Variants in HMCN1 observed in about 807,000 individuals in gnomAD.
HMCN1 encodes hemicentin 1.
Under a neutral mutation model 625.9 loss-of-function variants are expected in HMCN1, and 321 were observed. The observed-to-expected ratio is 0.51, with a 90% confidence interval of 0.47 to 0.56. The LOEUF (loss-of-function observed/expected upper bound fraction) is 0.56. Among genes scored for constraint, HMCN1 ranks in the 20% least tolerant of loss-of-function variants. The pLI is 0.00. For missense variants in HMCN1, 6,588 were observed against 6,887.3 expected (o/e 0.96, Z 1.54); for synonymous variants, 2,425 against 2,417.6 (o/e 1.00, Z -0.09).
At chr1:186,098,895 AC>A (rs1396104686) in intron 68 of HMCN1, among the ~76,000 whole-genome samples, 1 of 152,152 alleles carries the variant, frequency 6.6e-6, no homozygotes, top group East Asian at 1.9e-4. Context: ...AACCTGGAGA[AC>A]ATTAAACTAT....
intron 4 of HMCN1, among the ~76,000 whole-genome samples, chr1:185,908,930 T>C (rs1008273856): frequency 1.3e-5 from 2 of 151,688 alleles, no homozygotes; most frequent in African/African-American, 2.4e-5. Context: ...CTTTTACAAA[T>C]TGCATCTGGA....
At chr1:185,780,968 C>T (rs1399946369) in intron 1 of HMCN1, among the ~76,000 whole-genome samples, 5 of 152,148 alleles carry the variant, frequency 3.3e-5, no homozygotes, top group African/African-American at 1.2e-4. Flanking sequence ...GCTGTGAATC[C>T]ACCTGGTCCT....
chr1:185,954,050 A>C (rs34427602), intron 11 of HMCN1, among the ~76,000 whole-genome samples: 6,172 of 147,292 alleles, frequency 0.042, 275 homozygotes, highest in African/African-American at 0.11. Context: ...CACTTAAGGC[A>C]AGGACCGGCC....
Position 185,993,495 on chromosome 1 carries a change from C to T in HMCN1, c.3505+186C>T, listed in dbSNP as rs1473516085. On this transcript the variant is annotated intron_variant, in intron 23 of 106. Transcript: ENST00000271588. ...GAAAAGTCTTCCTGCTATTTATAAACAATCTTCTGTTTCTTCCTTTATCAA... is the reference window on the plus strand; with the variant it reads ...GAAAAGTCTTCCTGCTATTTATAAATAATCTTCTGTTTCTTCCTTTATCAA... 5 of 594,188 alleles carry T rather than the reference C, an allele frequency of 8.4e-6. No individual in the cohort carries two copies. In the East Asian group the frequency reaches 1.6e-4, roughly 19 times the overall value. 36.8% of individuals were successfully genotyped at this position (594,188 alleles called of 1,614,324 possible). A position where few individuals can be genotyped will look rare whatever the true frequency, so the allele number is the denominator to read the frequency against.
chr1:185,993,354 A>G (rs749713171), intron 23 of HMCN1, 45 bp downstream of exon 23: 8 of 1,608,166 alleles, frequency 5.0e-6, no homozygotes, highest in African/African-American at 2.7e-5. Flanking sequence ...TGGACTGGCC[A>G]CACAAAAACC....
chr1:185,938,634 T>TA (rs1667935438), intron 11 of HMCN1, among the ~76,000 whole-genome samples: 2 of 152,080 alleles, frequency 1.3e-5, no homozygotes, highest in African/African-American at 2.4e-5. Context: ...CACGAACACT[T>TA]AAAAAATTCC....
chr1:185,977,943 C>G lies in HMCN1; in HGVS notation c.2528C>G (p.Ser843Cys), dbSNP rs762533843. 6.2e-7 allele frequency: 1 copy of G among 1,613,138 alleles called. No individual in the cohort carries two copies. Among genetic ancestry groups the G allele is most frequent in the Non-Finnish European group, 8.5e-7 (1 of 1,179,398 alleles). Residue 843 changes from serine (S) to cysteine (C), a missense_variant, in exon 16 of 107, where the codon TCC becomes TGC. By Grantham distance (112) the Ser-to-Cys change is moderately radical. Transcript: ENST00000271588. ...PIFSRPFSVSSISQLRTGALF... is the reference protein window; with the variant it reads ...PIFSRPFSVSCISQLRTGALF... ...TTCTCAAGACCTTTTTCAGTTAGTT[C>G]CATCAGCCAACTAAGAACAGGAGCT...
chr1:185,826,244 G>A (rs1218282949), intron 1 of HMCN1, among the ~76,000 whole-genome samples: 2 of 152,160 alleles, frequency 1.3e-5, no homozygotes, highest in African/African-American at 4.8e-5. Flanking sequence ...AAGAATTTAG[G>A]ATAGAATGTC....
rs548258557 is a variant in HMCN1, at chr1:186,065,123, C to T, written c.7514-115C>T. On this transcript the variant is annotated intron_variant, in intron 48 of 106. Coordinates refer to ENST00000271588, the MANE Select transcript of HMCN1 (RefSeq NM_031935.3). ...TTATTTTTAAATGAATGATTACTGC[C>T]GTGTTTTAGACATGGGATATGTAGG... The T allele has an allele frequency of 6.0e-4, 428 of 713,246 alleles. 1 individual carries two copies. The highest frequency in any genetic ancestry group is 7.2e-4 in the Non-Finnish European group (299 of 414,458). 44.2% of individuals were successfully genotyped at this position (713,246 alleles called of 1,614,324 possible).
intron 2 of HMCN1, among the ~76,000 whole-genome samples, chr1:185,847,469 G>A (rs1661893908): frequency 2.0e-5 from 3 of 152,128 alleles, no homozygotes; most frequent in Non-Finnish European, 4.4e-5. Context: ...TTCAGCAGAT[G>A]ATCTACTCAG....
At chr1:185,822,481 A>G (rs1341329655) in intron 1 of HMCN1, among the ~76,000 whole-genome samples, 2 of 152,190 alleles carry the variant, frequency 1.3e-5, no homozygotes, top group Non-Finnish European at 2.9e-5. Flanking sequence ...CTGCCTGATC[A>G]ACATTCTTAT....
chr1:186,005,159 A>C (rs1653483500), intron 29 of HMCN1, among the ~76,000 whole-genome samples: 1 of 149,714 alleles, frequency 6.7e-6, no homozygotes, highest in Non-Finnish European at 1.5e-5. Flanking sequence ...GTTTATAAAC[A>C]ATTTTTTAAT....
intron 41 of HMCN1, 43 bp downstream of exon 41, chr1:186,045,906 G>T: frequency 6.9e-7 from 1 of 1,446,514 alleles, no homozygotes; most frequent in Non-Finnish European, 9.7e-7. Flanking sequence ...GTTATTAGAA[G>T]TTCATGGTTT....
intron 4 of HMCN1, among the ~76,000 whole-genome samples, chr1:185,868,407 T>C (rs976487000): frequency 6.6e-6 from 1 of 152,054 alleles, no homozygotes; most frequent in Admixed American, 6.5e-5. Flanking sequence ...CCACATGTCA[T>C]TGGAGGGACC....
intron 89 of HMCN1, among the ~76,000 whole-genome samples, chr1:186,138,201 G>T (rs945670422): frequency 8.6e-5 from 13 of 152,012 alleles, no homozygotes; most frequent in African/African-American, 3.1e-4. Flanking sequence ...TTGAAGAAAG[G>T]GTCCAAACTG....
At chr1:186,040,727 C>T (rs1656146255) in intron 39 of HMCN1, among the ~76,000 whole-genome samples, 1 of 152,112 alleles carries the variant, frequency 6.6e-6, no homozygotes, top group East Asian at 1.9e-4. Context: ...GCATCTTTGT[C>T]TGTCTTTGTA....
At chr1:185,774,672 T>C (rs1201085702) in intron 1 of HMCN1, among the ~76,000 whole-genome samples, 3 of 152,094 alleles carry the variant, frequency 2.0e-5, no homozygotes, top group Admixed American at 6.6e-5. Flanking sequence ...TGAAAGGAAA[T>C]AGTTTTGTTA....
chr1:186,067,920 G>T lies in HMCN1; in HGVS notation c.7792G>T (p.Glu2598Ter). ...ILNSPTSLVC[E>*]AYSYPPATIT... ...TAACAGCCCTACATCTTTGGTCTGT[G>T]AAGCTTATTCATATCCTCCAGCTAC... is the stretch of plus-strand genomic sequence containing the variant. Residue 2598 changes from glutamate (E) to a stop codon, truncating the protein, a stop_gained, in exon 50 of 107, where the codon GAA (glutamate) becomes TAA (stop). Coordinates refer to ENST00000271588, the MANE Select transcript of HMCN1 (RefSeq NM_031935.3). LOFTEE classifies it high-confidence loss of function. The T allele has an allele frequency of 6.2e-7, 1 of 1,613,172 alleles. No individual in the cohort carries two copies. The highest frequency in any genetic ancestry group is 8.5e-7 in the Non-Finnish European group (1 of 1,179,214).
chr1:185,946,327 C>CT (rs1259842341), intron 11 of HMCN1, among the ~76,000 whole-genome samples: 1 of 151,898 alleles, frequency 6.6e-6, no homozygotes, highest in Non-Finnish European at 1.5e-5. Flanking sequence ...GAAATTATCC[C>CT]TTTTTTGAGC....
Sources: allele counts gnomAD v4.1 joint callset (sites outside exome capture counted in the v4.1 genomes callset), GRCh38; gene constraint gnomAD v4.1.1; transcripts MANE v1.5; gene names NCBI Gene and HGNC (gene_info 2026-07-23, HGNC 2026-07-21).